The following CCDC181 variants were observed in gnomAD, a reference collection of about 807,000 sequenced individuals.
CCDC181 encodes the protein coiled-coil domain containing 181.
A neutral mutation model predicts 58.7 loss-of-function variants in CCDC181; 35 were observed. That is an observed-to-expected ratio of 0.60 (90% CI 0.46 to 0.79). CCDC181 has a LOEUF of 0.79. Among genes scored for constraint, CCDC181 ranks in the 30% least tolerant of loss-of-function variants. The pLI, the probability that CCDC181 is intolerant of heterozygous loss-of-function variation, is 0.00. For missense variants in CCDC181, 517 were observed against 583.9 expected, an observed-to-expected ratio of 0.89 and a Z score of 1.18; for synonymous variants, 183 against 197.5, an observed-to-expected ratio of 0.93 and a Z score of 0.62.
chr1:169,456,904 A>G (rs986447716), intron 2 of CCDC181, among the ~76,000 whole-genome samples: 2 of 152,180 alleles, frequency 1.3e-5, no homozygotes, highest in African/African-American at 4.8e-5. Context: ...TGTATGTGAG[A>G]CCTTCCTATT....
intron 2 of CCDC181, among the ~76,000 whole-genome samples, chr1:169,451,795 G>GGT (rs1452712445): frequency 6.6e-6 from 1 of 152,006 alleles, no homozygotes; most frequent in Non-Finnish European, 1.5e-5. Context: ...GTGCTAATAG[G>GGT]GTAAGGAGTG....
At position 169,421,607 on chromosome 1, in the gene CCDC181, T is replaced by C; in HGVS notation, c.824A>G (p.Lys275Arg). 6.2e-7 allele frequency: 1 copy of C among 1,614,106 alleles called. No homozygotes were observed. Among genetic ancestry groups the C allele is most frequent in the South Asian group, 1.1e-5 (1 of 91,082 alleles). ...TGATGAGTGAGTGACAGCATGAATC[T>C]TTGCTGTAGAATCTTCTTTCTTGGT... ...SGTKKEDSTA[K>R]IHAVTHSSTG... Residue 275 changes from lysine (K) to arginine (R), a missense_variant, in exon 3 of 6, where the codon AAG (lysine) becomes AGG (arginine). Transcript: ENST00000367806.
intron 2 of CCDC181, among the ~76,000 whole-genome samples, chr1:169,447,012 A>T (rs780993986): frequency 6.6e-6 from 1 of 152,152 alleles, no homozygotes; most frequent in Non-Finnish European, 1.5e-5. Context: ...ATCTCCAAAT[A>T]TTTGGAGACT....
chr1:169,452,045 G>A (rs1225487495), intron 2 of CCDC181, among the ~76,000 whole-genome samples: 5 of 151,928 alleles, frequency 3.3e-5, no homozygotes, highest in African/African-American at 7.3e-5. Flanking sequence ...AGTGATCAGC[G>A]TAGACATGGT....
At chr1:169,417,659 G>C (rs186868755) in intron 4 of CCDC181, among the ~76,000 whole-genome samples, 4 of 152,076 alleles carry the variant, frequency 2.6e-5, no homozygotes, top group East Asian at 3.9e-4. Flanking sequence ...TGAAAGTTCC[G>C]GGCTTCTAAT....
intron 4 of CCDC181, among the ~76,000 whole-genome samples, chr1:169,401,621 A>C (rs1043593951): frequency 3.0e-4 from 45 of 152,238 alleles, no homozygotes; most frequent in African/African-American, 1.1e-3. Context: ...ACAAACAGAA[A>C]GGACATCCAC....
Position 169,450,187 on chromosome 1 carries a change from A to G in CCDC181, c.-24+9610T>C, listed in dbSNP as rs115121629. Reference sequence around the variant, plus strand: ...AAACAGAAGGGCTCAAGAGGAAGCTAGAGTTGAAGAAACTGTCCTTCCCCT... The same window carrying G: ...AAACAGAAGGGCTCAAGAGGAAGCTGGAGTTGAAGAAACTGTCCTTCCCCT... On this transcript the variant is annotated intron_variant, in intron 2 of 6. Transcript: ENST00000545005. Among the ~76,000 whole-genome samples, 314 of 152,316 alleles carry G rather than the reference A, an allele frequency of 2.1e-3. 1 individual carries two copies. The highest frequency in any genetic ancestry group is 6.9e-3 in the African/African-American group (288 of 41,560).
In CCDC181 at chr1:169,421,531, A is replaced by C; in HGVS notation, c.900T>G (p.Thr300=). 1 of 1,614,104 alleles carries C rather than the reference A, an allele frequency of 6.2e-7. No homozygotes were observed. Among genetic ancestry groups the C allele is most frequent in the South Asian group, 1.1e-5 (1 of 91,072 alleles). ...YIAQPPLNRK[T]CPSSAVNSDR... is the part of the protein sequence containing the mutation. Reference sequence around the variant, plus strand: ...CTGAGTTGACAGCAGAGCTTGGACAAGTCTTGCGGTTGAGTGGTGGCTGAG... The same window carrying C: ...CTGAGTTGACAGCAGAGCTTGGACACGTCTTGCGGTTGAGTGGTGGCTGAG... The change falls in exon 3 of 6, where the codon ACT becomes ACG. Residue 300 remains threonine (T), a synonymous_variant. Transcript: ENST00000367806.
At chr1:169,422,571 T>A (rs1255948554) in intron 2 of CCDC181, among the ~76,000 whole-genome samples, 1 of 152,162 alleles carries the variant, frequency 6.6e-6, no homozygotes, top group African/African-American at 2.4e-5. Context: ...TAAACATTTT[T>A]ATGCTAATGT....
At chr1:169,449,145 G>C (rs945706717) in intron 2 of CCDC181, among the ~76,000 whole-genome samples, 1 of 152,094 alleles carries the variant, frequency 6.6e-6, no homozygotes, top group African/African-American at 2.4e-5. Context: ...TGTCATATCT[G>C]AGTTTGATTC....
chr1:169,457,709 C>G (rs576649853), intron 2 of CCDC181, among the ~76,000 whole-genome samples: 1 of 152,160 alleles, frequency 6.6e-6, no homozygotes, highest in East Asian at 1.9e-4. Context: ...TGCTGTTTAA[C>G]CTAGCCATTG....
Position 169,458,180 on chromosome 1 carries a change from TTTTTTTTTGTTTTG to T in CCDC181, c.-24+1603_-24+1616del, listed in dbSNP as rs959660097. ...CTGGGGCAAAAGTAATTTTTGTTTT[TTTTTTTTTGTTTTG>T]TTTTTTTTGCCATTTAAAAGTATGG... On this transcript the variant is annotated intron_variant, in intron 2 of 6. Transcript: ENST00000545005. 1.5e-4 allele frequency among the ~76,000 whole-genome samples: 21 copies of T among 140,524 alleles called. No homozygotes were observed. The South Asian group carries it at 3.2e-3, about 21-fold the overall frequency. The allele number at this position is 140,524 out of a possible 152,430, so 92.2% of individuals were successfully genotyped here.
At chr1:169,440,918 G>C (rs984649857) in intron 2 of CCDC181, among the ~76,000 whole-genome samples, 1 of 44,604 alleles carries the variant, frequency 2.2e-5, no homozygotes, top group African/African-American at 7.2e-5. Flanking sequence ...CCAGGCAACA[G>C]AGCAAGACTG....
intron 2 of CCDC181, among the ~76,000 whole-genome samples, chr1:169,442,171 A>G (rs1657248957): frequency 6.6e-6 from 1 of 152,136 alleles, no homozygotes; most frequent in Non-Finnish European, 1.5e-5. Flanking sequence ...AAAACTGTTC[A>G]AAGTAACACA....
chr1:169,441,188 A>G (rs1657220069), intron 2 of CCDC181, among the ~76,000 whole-genome samples: 1 of 152,164 alleles, frequency 6.6e-6, no homozygotes, highest in South Asian at 2.1e-4. Context: ...TAAGTCTTTA[A>G]TGAATATTTA....
intron 4 of CCDC181, among the ~76,000 whole-genome samples, chr1:169,404,819 G>T (rs1191891497): frequency 2.6e-5 from 4 of 152,146 alleles, no homozygotes; most frequent in Non-Finnish European, 4.4e-5. Context: ...GGGCAATCAG[G>T]CAGGAGAAAG....
chr1:169,438,620 A>G (rs1438120222), intron 2 of CCDC181, among the ~76,000 whole-genome samples: 1 of 152,186 alleles, frequency 6.6e-6, no homozygotes, highest in Non-Finnish European at 1.5e-5. Flanking sequence ...TCAACCTGAC[A>G]AAGCTCAAAC....
chr1:169,406,386 C>T (rs1369585923), intron 4 of CCDC181, among the ~76,000 whole-genome samples: 6 of 152,090 alleles, frequency 3.9e-5, no homozygotes, highest in Non-Finnish European at 7.4e-5. Flanking sequence ...AGCAAAGACT[C>T]GGAACCAACC....
chr1:169,402,452 GA>G (rs1198212917), intron 4 of CCDC181, among the ~76,000 whole-genome samples: 1 of 152,138 alleles, frequency 6.6e-6, no homozygotes, highest in African/African-American at 2.4e-5. Flanking sequence ...ACTAACAGCG[GA>G]TCTCTCGGCA....
Sources: allele counts gnomAD v4.1 joint callset (sites outside exome capture counted in the v4.1 genomes callset), GRCh38; gene constraint gnomAD v4.1.1; transcripts MANE v1.5; gene names NCBI Gene and HGNC (gene_info 2026-07-23, HGNC 2026-07-21).